The following PPARGC1A variants were observed in gnomAD, a reference collection of about 807,000 sequenced individuals.
PPARGC1A encodes PPARG coactivator 1 alpha, also known as peroxisome proliferator-activated receptor gamma coactivator 1-alpha.
A neutral mutation model predicts 88.7 loss-of-function variants in PPARGC1A; 25 were observed. That is an observed-to-expected ratio of 0.28 (90% CI 0.21 to 0.39). The LOEUF (loss-of-function observed/expected upper bound fraction) is 0.39. Ranked by LOEUF, PPARGC1A falls within the 10% of genes least tolerant of loss-of-function variation. The pLI is 1.00. For missense variants in PPARGC1A, 880 were observed against 968.7 expected, an observed-to-expected ratio of 0.91 and a Z score of 1.22; for synonymous variants, 363 against 355.6, an observed-to-expected ratio of 1.02 and a Z score of -0.24.
chr4:24,154,444 G>A, the PPARGC1A span, among the ~76,000 whole-genome samples: 1 of 152,220 alleles, frequency 6.6e-6, no homozygotes, highest in East Asian at 1.9e-4. Context: ...TTGTATGGCA[G>A]AGCTTTAAAA....
chr4:24,082,639 A>G, the PPARGC1A span, among the ~76,000 whole-genome samples: 2 of 152,132 alleles, frequency 1.3e-5, no homozygotes, highest in Non-Finnish European at 2.9e-5. Flanking sequence ...CAAAAGGAAA[A>G]CTTGATGCAA....
chr4:23,885,157 A>G (rs1230734356), intron 1 of PPARGC1A, among the ~76,000 whole-genome samples: 1 of 152,156 alleles, frequency 6.6e-6, no homozygotes, highest in Non-Finnish European at 1.5e-5. Context: ...ACCTCCAAAC[A>G]CATGGTAAAT....
chr4:24,025,866 A>C, the PPARGC1A span, among the ~76,000 whole-genome samples: 30 of 152,218 alleles, frequency 2.0e-4, no homozygotes, highest in African/African-American at 7.2e-4. Flanking sequence ...GAGGAGGAAA[A>C]AAAAATGTGT....
At chr4:24,197,751 T>C in the PPARGC1A span, among the ~76,000 whole-genome samples, 5 of 152,332 alleles carry the variant, frequency 3.3e-5, no homozygotes, top group South Asian at 4.1e-4. Flanking sequence ...CAATCCTGCA[T>C]GGCTTCACCA....
the PPARGC1A span, among the ~76,000 whole-genome samples, chr4:24,060,577 C>T: frequency 0.54 from 82,699 of 152,030 alleles, 22,878 homozygotes; most frequent in Admixed American, 0.56. Context: ...CCAAGCCTTG[C>T]ATTTTAATAT....
the PPARGC1A span, among the ~76,000 whole-genome samples, chr4:24,105,205 G>C: frequency 5.3e-5 from 8 of 152,294 alleles, no homozygotes; most frequent in African/African-American, 1.9e-4. Context: ...TTATAGAATT[G>C]TGTAATTTTC....
At chr4:24,269,757 G>GT in the PPARGC1A span, among the ~76,000 whole-genome samples, 1 of 152,086 alleles carries the variant, frequency 6.6e-6, no homozygotes, top group Non-Finnish European at 1.5e-5. Flanking sequence ...AAGGAAGCTG[G>GT]TAACAGTCTG....
chr4:24,122,441 A>AGG, the PPARGC1A span, among the ~76,000 whole-genome samples: 1 of 140,752 alleles, frequency 7.1e-6, no homozygotes, highest in Non-Finnish European at 1.6e-5. Flanking sequence ...ATATATAGAG[A>AGG]GAGAGAGAGA....
At chr4:24,159,569 C>G in the PPARGC1A span, among the ~76,000 whole-genome samples, 1 of 152,140 alleles carries the variant, frequency 6.6e-6, no homozygotes, top group African/African-American at 2.4e-5. Context: ...ATGATTTAAT[C>G]CAGATCTATC....
chr4:24,129,334 A>T, the PPARGC1A span, among the ~76,000 whole-genome samples: 2 of 152,150 alleles, frequency 1.3e-5, no homozygotes, highest in African/African-American at 2.4e-5. Flanking sequence ...CTTGGTAGAG[A>T]TCTACAGATG....
the PPARGC1A span, among the ~76,000 whole-genome samples, chr4:24,131,534 A>G: frequency 6.6e-6 from 1 of 152,212 alleles, no homozygotes. Flanking sequence ...CAGGACCACA[A>G]AAAAGGAAGA....
rs28621741 is a variant in PPARGC1A at position 23,836,294 on chromosome 4, T to G, written c.235-4543A>C. On this transcript the variant is annotated intron_variant, in intron 2 of 12. Coordinates refer to ENST00000264867, the MANE Select transcript of PPARGC1A (RefSeq NM_013261.5). Reference sequence around the variant, plus strand: ...AGGTAGAAAACAGGCCAACGGGCATTTCCACAGTTGAGCTCTGTGGCTATC... The same window carrying G: ...AGGTAGAAAACAGGCCAACGGGCATGTCCACAGTTGAGCTCTGTGGCTATC... 4.9e-3 allele frequency among the ~76,000 whole-genome samples: 752 copies of G among 152,238 alleles called. 5 individuals are homozygous for G. The highest frequency in any genetic ancestry group is 0.017 in the African/African-American group (689 of 41,546).
the PPARGC1A span, among the ~76,000 whole-genome samples, chr4:23,992,914 G>A: frequency 1.3e-5 from 2 of 151,904 alleles, no homozygotes; most frequent in Non-Finnish European, 2.9e-5. Context: ...AATTCACAAA[G>A]CACTTTCTGA....
the PPARGC1A span, among the ~76,000 whole-genome samples, chr4:24,033,902 T>A: frequency 2.0e-5 from 3 of 152,196 alleles, no homozygotes; most frequent in Non-Finnish European, 4.4e-5. Flanking sequence ...TAAGCTGCTT[T>A]CAAGACAATT....
At chr4:23,923,343 A>G in the PPARGC1A span, among the ~76,000 whole-genome samples, 1 of 152,110 alleles carries the variant, frequency 6.6e-6, no homozygotes, top group African/African-American at 2.4e-5. Context: ...AAACAATCCA[A>G]TTCCATTATT....
In PPARGC1A at chr4:23,854,771, C is replaced by T. The variant is rs543907692; in HGVS notation, c.235-23020G>A. Among the ~76,000 whole-genome samples the T allele has an allele frequency of 1.2e-4, 18 of 151,574 alleles. No individual in the cohort carries two copies. In the South Asian group the frequency reaches 2.9e-3, roughly 25 times the overall value. ...ATTTTTATATTCCAAGTATCTAATA[C>T]GATGCTTGGAATATGGTAGACACCG... On this transcript the variant is annotated intron_variant, in intron 2 of 12. Coordinates refer to ENST00000264867, the MANE Select transcript of PPARGC1A (RefSeq NM_013261.5).
At chr4:23,870,942 T>G (rs1041590934) in intron 2 of PPARGC1A, among the ~76,000 whole-genome samples, 1 of 152,116 alleles carries the variant, frequency 6.6e-6, no homozygotes, top group Non-Finnish European at 1.5e-5. Context: ...ATCCGTGTTT[T>G]TTTTTTTTTT....
chr4:23,929,401 C>A, the PPARGC1A span, among the ~76,000 whole-genome samples: 1 of 152,166 alleles, frequency 6.6e-6, no homozygotes, highest in Non-Finnish European at 1.5e-5. Flanking sequence ...TCTTAGGATG[C>A]CAGTTAGCCA....
the PPARGC1A span, among the ~76,000 whole-genome samples, chr4:24,191,586 C>T: frequency 2.6e-5 from 4 of 152,078 alleles, no homozygotes; most frequent in Admixed American, 6.5e-5. Flanking sequence ...TAGCCATCCA[C>T]GTAAATGCTA....
Sources: allele counts gnomAD v4.1 joint callset (sites outside exome capture counted in the v4.1 genomes callset), GRCh38; gene constraint gnomAD v4.1.1; transcripts MANE v1.5; gene names NCBI Gene and HGNC (gene_info 2026-07-23, HGNC 2026-07-21).